Variants in NTM observed in about 807,000 individuals in gnomAD.
NTM encodes the protein neurotrimin, also known as IgLON family member 2.
Under a neutral mutation model 42.1 loss-of-function variants are expected in NTM, and 13 were observed. The ratio of observed to expected loss-of-function variants is 0.31; its 90% CI spans 0.20 to 0.49. NTM has a LOEUF of 0.49. Among genes scored for constraint, NTM ranks in the 20% least tolerant of loss-of-function variants. The pLI, the probability that NTM is intolerant of heterozygous loss-of-function variation, is 0.99. For synonymous variants in NTM, 187 were observed against 179.2 expected, an observed-to-expected ratio of 1.04 and a Z score of -0.35; for missense variants, 373 against 452.8, an observed-to-expected ratio of 0.82 and a Z score of 1.60.
chr11:132,233,812 T>A (rs976969584), intron 4 of NTM, among the ~76,000 whole-genome samples: 3 of 152,216 alleles, frequency 2.0e-5, no homozygotes, highest in African/African-American at 7.2e-5. Flanking sequence ...AATTCTTATT[T>A]TTCTCCATAC....
intron 6 of NTM, among the ~76,000 whole-genome samples, chr11:132,310,783 T>C (rs550113577): frequency 6.6e-6 from 1 of 152,308 alleles, no homozygotes; most frequent in South Asian, 2.1e-4. Context: ...ATTCCCTTCC[T>C]TCCCATTGTC....
At chr11:132,077,813 C>A (rs2058559710) in intron 2 of NTM, among the ~76,000 whole-genome samples, 1 of 152,180 alleles carries the variant, frequency 6.6e-6, no homozygotes, top group African/African-American at 2.4e-5. Context: ...GTTGCCCATG[C>A]TGGTCTCAAA....
At chr11:131,438,812 G>T (rs966188286) in intron 1 of NTM, among the ~76,000 whole-genome samples, 1 of 152,196 alleles carries the variant, frequency 6.6e-6, no homozygotes, top group African/African-American at 2.4e-5. Context: ...TCTCCATCCA[G>T]CTTTGTTCCA....
chr11:131,729,128 T>C (rs1208370430), intron 1 of NTM, among the ~76,000 whole-genome samples: 1 of 152,216 alleles, frequency 6.6e-6, no homozygotes, highest in Non-Finnish European at 1.5e-5. Flanking sequence ...GCAACTTATA[T>C]AACTTCTCTG....
At chr11:131,747,284 C>A (rs1165682400) in intron 1 of NTM, among the ~76,000 whole-genome samples, 1 of 152,170 alleles carries the variant, frequency 6.6e-6, no homozygotes, top group African/African-American at 2.4e-5. Context: ...CCACGAGCAC[C>A]CAAGCTTAGC....
chr11:132,259,271 TAAAAG>T (rs1373927572), intron 4 of NTM, among the ~76,000 whole-genome samples: 1 of 151,456 alleles, frequency 6.6e-6, no homozygotes, highest in Non-Finnish European at 1.5e-5. Context: ...TGCATAAATT[TAAAAG>T]AAAAAAAAAG....
intron 1 of NTM, among the ~76,000 whole-genome samples, chr11:131,711,745 T>C (rs1478131141): frequency 6.6e-6 from 1 of 151,578 alleles, no homozygotes; most frequent in Non-Finnish European, 1.5e-5. Flanking sequence ...TGTCCAACAA[T>C]GATAGACTGG....
intron 1 of NTM, among the ~76,000 whole-genome samples, chr11:131,655,583 G>T (rs984271875): frequency 6.6e-6 from 1 of 152,170 alleles, no homozygotes; most frequent in South Asian, 2.1e-4. Flanking sequence ...ATGGGAGGCT[G>T]TGGGCTTGGC....
At chr11:131,466,330 T>G (rs1951889405) in intron 1 of NTM, among the ~76,000 whole-genome samples, 1 of 152,164 alleles carries the variant, frequency 6.6e-6, no homozygotes, top group Non-Finnish European at 1.5e-5. Flanking sequence ...TCGTGCAAAG[T>G]GCATTTTATT....
At chr11:131,526,297 T>C (rs920918780) in intron 1 of NTM, among the ~76,000 whole-genome samples, 6 of 152,210 alleles carry the variant, frequency 3.9e-5, no homozygotes, top group Admixed American at 6.5e-5. Context: ...AGTATTTCTC[T>C]GCACCCCAGC....
In NTM at chr11:131,829,276, T is replaced by C. The variant is rs773580965; in HGVS notation, c.83-82288T>C. Among the ~76,000 whole-genome samples the C allele has an allele frequency of 2.0e-4, 30 of 152,300 alleles. No homozygotes were observed. In the East Asian group the frequency reaches 2.9e-3, roughly 15 times the overall value. ...TGTGATGGTGAGGTTTGGGGAACAA[T>C]TGATCCCATTACTCAGGTATTGAGA... is the stretch of plus-strand genomic sequence containing the variant. On this transcript the variant is annotated intron_variant, in intron 1 of 8. Coordinates refer to ENST00000683400, the MANE Select transcript of NTM (RefSeq NM_001352005.2).
At chr11:131,959,395 A>G (rs1018181048) in intron 2 of NTM, among the ~76,000 whole-genome samples, 4 of 152,130 alleles carry the variant, frequency 2.6e-5, no homozygotes, top group African/African-American at 9.7e-5. Context: ...TGGGAGGCCG[A>G]GGTGGGAGGA....
chr11:131,556,750 T>C (rs1381209716), intron 1 of NTM, among the ~76,000 whole-genome samples: 2 of 152,112 alleles, frequency 1.3e-5, no homozygotes, highest in African/African-American at 4.8e-5. Flanking sequence ...GTATTTTTAG[T>C]AGAGACGGGT....
intron 1 of NTM, among the ~76,000 whole-genome samples, chr11:131,685,702 C>G (rs1340466011): frequency 6.6e-6 from 1 of 152,122 alleles, no homozygotes; most frequent in East Asian, 1.9e-4. Flanking sequence ...AATCATTTTG[C>G]TTAAGGATTT....
rs1355531882 is a variant in NTM, at chr11:131,766,583, C to G, written c.83-144981C>G. On this transcript the variant is annotated intron_variant, in intron 1 of 8. Transcript: ENST00000683400. ...CAGGGGTCACACAGCAGGCCCCCCC[C>G]TTCTGCTGAGAATCTTTCATTTGTA... 2.0e-5 allele frequency among the ~76,000 whole-genome samples: 3 copies of G among 150,884 alleles called. No individual in the cohort carries two copies. The East Asian group carries it at 5.9e-4, about 29-fold the overall frequency.
In NTM at chr11:131,878,592, AAAATATATATATATATATATATATATAT is replaced by A. The variant is rs1460423829; in HGVS notation, c.83-32970_83-32943del. 5.9e-3 allele frequency among the ~76,000 whole-genome samples: 155 copies of A among 26,288 alleles called. 24 individuals carry two copies. The highest frequency in any genetic ancestry group is 0.017 in the African/African-American group (135 of 8,040). The allele number at this position is 26,288 out of a possible 152,430, so 17.2% of individuals were successfully genotyped here. A position where few individuals can be genotyped will look rare whatever the true frequency, so the allele number is the denominator to read the frequency against. ...CTCAAAAAAAAAAAAAAAAAAAAAA[AAAATATATATATATATATATATATATAT>A]ATATATATATATATATATATAATGT... is the stretch of plus-strand genomic sequence containing the variant. On this transcript the variant is annotated intron_variant, in intron 1 of 8. Transcript: ENST00000683400.
chr11:131,463,128 C>A (rs1951560206), intron 1 of NTM, among the ~76,000 whole-genome samples: 1 of 152,188 alleles, frequency 6.6e-6, no homozygotes, highest in Admixed American at 6.5e-5. Context: ...GCTTTCTCTT[C>A]TGGAAAAAGA....
chr11:132,110,273 G>A (rs1209969508), intron 2 of NTM, among the ~76,000 whole-genome samples: 2 of 152,246 alleles, frequency 1.3e-5, no homozygotes, highest in African/African-American at 4.8e-5. Flanking sequence ...ATGAATGAAT[G>A]ATTACATAAG....
intron 1 of NTM, among the ~76,000 whole-genome samples, chr11:131,504,044 T>C: frequency 6.6e-6 from 1 of 152,118 alleles, no homozygotes; most frequent in Non-Finnish European, 1.5e-5. Context: ...AAGGTGCTGA[T>C]CCAGCTGTCT....
Sources: gnomAD v4.1 joint callset for allele counts (sites outside exome capture counted in the v4.1 genomes callset) on GRCh38, gnomAD v4.1.1 for gene constraint, MANE v1.5 for transcripts, NCBI Gene and HGNC (gene_info 2026-07-23, HGNC 2026-07-21) for gene names.